ATRNL1: variants seen among roughly 807,000 people sequenced by gnomAD.
ATRNL1 encodes attractin-like protein 1.
In ATRNL1, 95 loss-of-function variants were observed where a neutral mutation model predicts 182.7. That is an observed-to-expected ratio of 0.52 (90% CI 0.44 to 0.62). The LOEUF (loss-of-function observed/expected upper bound fraction) is 0.62. ATRNL1 is among the 20% of genes least tolerant of loss of function. The pLI, the probability that ATRNL1 is intolerant of heterozygous loss-of-function variation, is 0.00. For synonymous variants in ATRNL1, 576 were observed against 568.3 expected (o/e 1.01, Z -0.19); for missense variants, 1,471 against 1,679.5 (o/e 0.88, Z 2.17).
intron 26 of ATRNL1, among the ~76,000 whole-genome samples, chr10:115,610,554 T>C (rs1857102410): frequency 6.6e-6 from 1 of 152,204 alleles, no homozygotes. Flanking sequence ...GATTAACCTT[T>C]AATAGAGACA....
chr10:115,532,480 C>A (rs1851656143), intron 25 of ATRNL1, among the ~76,000 whole-genome samples: 1 of 152,046 alleles, frequency 6.6e-6, no homozygotes, highest in Non-Finnish European at 1.5e-5. Context: ...GATTTTGTAT[C>A]CTGAGACTTT....
intron 27 of ATRNL1, among the ~76,000 whole-genome samples, chr10:115,731,133 ACCCAGGAT>A (rs1422246609): frequency 6.6e-5 from 10 of 152,104 alleles, no homozygotes; most frequent in African/African-American, 2.4e-4. Flanking sequence ...TCGCAGACAC[ACCCAGGAT>A]CCATACATTG....
chr10:115,354,243 G>C (rs947485831), intron 19 of ATRNL1, among the ~76,000 whole-genome samples: 9 of 152,026 alleles, frequency 5.9e-5, no homozygotes, highest in Admixed American at 3.3e-4. Context: ...TTCTGAATTT[G>C]TCTTTGTTCT....
chr10:115,428,517 G>A (rs1399783454), intron 21 of ATRNL1, among the ~76,000 whole-genome samples: 9 of 152,016 alleles, frequency 5.9e-5, no homozygotes, highest in African/African-American at 2.2e-4. Context: ...TATGATGTAG[G>A]TTTTTGCTAA....
intron 25 of ATRNL1, among the ~76,000 whole-genome samples, chr10:115,538,141 A>C (rs2133775604): frequency 6.6e-6 from 1 of 152,326 alleles, no homozygotes; most frequent in South Asian, 2.1e-4. Context: ...GGTACTTATA[A>C]ATAATGCTGC....
chr10:115,139,999 G>A (rs1487238154), intron 5 of ATRNL1, among the ~76,000 whole-genome samples: 1 of 152,172 alleles, frequency 6.6e-6, no homozygotes, highest in Non-Finnish European at 1.5e-5. Context: ...TGAAGCCAAT[G>A]GAAAGTTTGA....
chr10:115,508,956 G>C (rs1554981973), intron 24 of ATRNL1, among the ~76,000 whole-genome samples: 1 of 152,026 alleles, frequency 6.6e-6, no homozygotes, highest in Non-Finnish European at 1.5e-5. Flanking sequence ...GTAAATGCTT[G>C]ACATCAAAAT....
intron 27 of ATRNL1, among the ~76,000 whole-genome samples, chr10:115,814,394 A>G (rs1950115236): frequency 6.6e-6 from 1 of 152,190 alleles, no homozygotes; most frequent in Non-Finnish European, 1.5e-5. Flanking sequence ...AGATCAGAAT[A>G]TTCCAGTGGT....
chr10:115,903,599 T>C (rs1447370988), intron 28 of ATRNL1, among the ~76,000 whole-genome samples: 1 of 152,240 alleles, frequency 6.6e-6, no homozygotes, highest in Non-Finnish European at 1.5e-5. Context: ...CAGAGTTCTT[T>C]GTTCAGCTTA....
intron 26 of ATRNL1, among the ~76,000 whole-genome samples, chr10:115,715,071 G>C (rs1456620651): frequency 6.6e-6 from 1 of 152,180 alleles, no homozygotes; most frequent in Non-Finnish European, 1.5e-5. Context: ...CAAGAAATCT[G>C]TCTGGTCATC....
chr10:115,469,797 G>A (rs568798544), intron 24 of ATRNL1, among the ~76,000 whole-genome samples: 7 of 150,456 alleles, frequency 4.7e-5, no homozygotes, highest in South Asian at 2.1e-4. Context: ...TTCCTAATCT[G>A]TACTACATGT....
At chr10:115,550,372 C>T (rs566094376) in intron 26 of ATRNL1, among the ~76,000 whole-genome samples, 13 of 151,520 alleles carry the variant, frequency 8.6e-5, no homozygotes, top group Middle Eastern at 6.8e-3. Flanking sequence ...AATTGCTTAC[C>T]TTCTTTTTTC....
chr10:115,619,949 G>A (rs1435966976), intron 26 of ATRNL1, among the ~76,000 whole-genome samples: 2 of 152,172 alleles, frequency 1.3e-5, no homozygotes, highest in Non-Finnish European at 2.9e-5. Context: ...GTATTTTGCT[G>A]ATAATTAAGA....
intron 5 of ATRNL1, among the ~76,000 whole-genome samples, chr10:115,149,231 A>G (rs1035767408): frequency 2.0e-4 from 30 of 152,080 alleles, no homozygotes; most frequent in African/African-American, 7.2e-4. Context: ...AGGGAAGGGA[A>G]AATCTCCATG....
At chr10:115,825,929 C>T (rs1360478822) in intron 27 of ATRNL1, among the ~76,000 whole-genome samples, 2 of 151,994 alleles carry the variant, frequency 1.3e-5, no homozygotes, top group African/African-American at 2.4e-5. Context: ...CAGTGCCTAG[C>T]GCAATGGTGC....
intron 26 of ATRNL1, among the ~76,000 whole-genome samples, chr10:115,664,143 A>T (rs12245412): frequency 2.0e-5 from 3 of 152,088 alleles, no homozygotes; most frequent in Middle Eastern, 3.2e-3. Context: ...TCCGCTAAAG[A>T]GATGTTCCCC....
intron 27 of ATRNL1, among the ~76,000 whole-genome samples, chr10:115,733,817 A>G (rs1947870317): frequency 6.6e-6 from 1 of 152,122 alleles, no homozygotes; most frequent in South Asian, 2.1e-4. Context: ...TGATTATGTA[A>G]AGAATACATC....
chr10:115,530,520 G>A (rs17093214), intron 25 of ATRNL1, among the ~76,000 whole-genome samples: 6,389 of 152,134 alleles, frequency 0.042, 213 homozygotes, highest in East Asian at 0.12. Flanking sequence ...AGAGTTAAGC[G>A]CTTGAAAAAC....
At chr10:115,197,074 T>C (rs549692719) in intron 8 of ATRNL1, among the ~76,000 whole-genome samples, 1 of 152,250 alleles carries the variant, frequency 6.6e-6, no homozygotes, top group African/African-American at 2.4e-5. Context: ...TTTAGTTTTT[T>C]TCATGAACAG....
Sources: allele counts gnomAD v4.1 joint callset (sites outside exome capture counted in the v4.1 genomes callset), GRCh38; gene constraint gnomAD v4.1.1; transcripts MANE v1.5; gene names NCBI Gene and HGNC (gene_info 2026-07-23, HGNC 2026-07-21).